The following PGS1 variants were observed in gnomAD, a reference collection of about 807,000 sequenced individuals.
PGS1 encodes phosphatidylglycerophosphate synthase 1, also known as CDP-diacylglycerol--glycerol-3-phosphate 3-phosphatidyltransferase, mitochondrial.
A neutral mutation model predicts 58.3 loss-of-function variants in PGS1; 44 were observed. The observed-to-expected ratio is 0.75, with a 90% CI of 0.59 to 0.97. The LOEUF is 0.97. PGS1 is among the 50% of genes least tolerant of loss of function. The pLI is 0.00. For missense variants in PGS1, 684 were observed against 731.1 expected (o/e 0.94, Z 0.74); for synonymous variants, 330 against 311.0 (o/e 1.06, Z -0.64).
At chr17:78,406,023 A>G (rs1260577641) in intron 7 of PGS1, among the ~76,000 whole-genome samples, 1 of 151,996 alleles carries the variant, frequency 6.6e-6, no homozygotes, top group Admixed American at 6.6e-5. Flanking sequence ...CGTTGTAAGA[A>G]ATACTGAAGC....
chr17:78,394,790 G>A (rs1056196470), intron 2 of PGS1, among the ~76,000 whole-genome samples: 1 of 152,104 alleles, frequency 6.6e-6, no homozygotes, highest in African/African-American at 2.4e-5. Context: ...CCCGACTTCA[G>A]GTGATCCGCC....
rs759340117 is a variant in PGS1 at position 78,403,714 on chromosome 17, C to T, written c.1027C>T (p.Arg343Cys). Residue 343 changes from arginine to cysteine, a missense_variant, in exon 7 of 10, where the codon CGC becomes TGC. By Grantham distance (180) the Arg-to-Cys change is radical. Transcript: ENST00000262764. ...GGAAGATGCAGCAGCTGCTGGGGAT[C>T]GCAGACCAGCCCCTGACACCTGGAT... ...TQEDAAAAGD[R>C]RPAPDTWIYP... 35 of 1,614,116 alleles carry T rather than the reference C, an allele frequency of 2.2e-5. No homozygotes were observed. Among genetic ancestry groups the T allele is most frequent in the Admixed American group, 1.8e-4 (11 of 60,004 alleles).
chr17:78,391,195 G>T (rs1369217845), intron 1 of PGS1, among the ~76,000 whole-genome samples: 1 of 152,054 alleles, frequency 6.6e-6, no homozygotes, highest in African/African-American at 2.4e-5. Context: ...TAATCTGCAC[G>T]CCTCGGCCTC....
At chr17:78,406,887 C>T (rs1395587309) in intron 7 of PGS1, among the ~76,000 whole-genome samples, 2 of 152,170 alleles carry the variant, frequency 1.3e-5, no homozygotes, top group Admixed American at 1.3e-4. Flanking sequence ...GTGGGAGGCT[C>T]CTGGCCTGTG....
intron 7 of PGS1, 88 bp downstream of exon 7, chr17:78,404,177 G>A (rs3744217): frequency 0.61 from 839,633 of 1,386,760 alleles, 255,160 homozygotes; most frequent in Middle Eastern, 0.66. Flanking sequence ...CTACCTGTTA[G>A]AGTGCTGTAC....
intron 8 of PGS1, among the ~76,000 whole-genome samples, chr17:78,417,964 C>G (rs1409575598): frequency 1.5e-5 from 2 of 134,956 alleles, no homozygotes; most frequent in Non-Finnish European, 3.1e-5. Flanking sequence ...GAGTCTTGTT[C>G]TGTCGCCCAG....
chr17:78,416,677 G>C (rs2085216452), intron 8 of PGS1, among the ~76,000 whole-genome samples: 1 of 152,198 alleles, frequency 6.6e-6, no homozygotes, highest in Non-Finnish European at 1.5e-5. Context: ...AGGGGCTTTT[G>C]CCTGTGGGAG....
chr17:78,401,837 T>G (rs2083690248), intron 6 of PGS1, among the ~76,000 whole-genome samples: 1 of 152,158 alleles, frequency 6.6e-6, no homozygotes, highest in Non-Finnish European at 1.5e-5. Context: ...AGCTTTGCCT[T>G]TTGGCCCAGA....
rs374120789 is a variant in PGS1 at position 78,392,561 on chromosome 17, G to A, written c.229G>A (p.Val77Met). 1.1e-5 allele frequency: 18 copies of A among 1,614,104 alleles called. No homozygotes were observed. Among genetic ancestry groups the A allele is most frequent in the South Asian group, 3.3e-5 (3 of 91,082 alleles). ...SPPCCLCPEG[V>M]HRFQWIRNLV... The stretch of plus-strand genomic sequence containing the variant: ...ACCTTGCTGCCTGTGTCCAGAAGGC[G>A]TGCACCGGTTCCAGTGGATCAGAAA... The change falls in exon 2 of 10, where the codon GTG becomes ATG. Residue 77 changes from valine (V) to methionine (M), a missense_variant. Coordinates refer to ENST00000262764, the MANE Select transcript of PGS1 (RefSeq NM_024419.5).
At chr17:78,386,957 A>G (rs917738006) in intron 1 of PGS1, among the ~76,000 whole-genome samples, 3 of 145,948 alleles carry the variant, frequency 2.1e-5, no homozygotes, top group Admixed American at 6.7e-5. Flanking sequence ...GATGATGGTG[A>G]TGATGATGAT....
At chr17:78,389,047 T>C (rs866921077) in intron 1 of PGS1, among the ~76,000 whole-genome samples, 38 of 135,950 alleles carry the variant, frequency 2.8e-4, no homozygotes, top group African/African-American at 9.8e-4. Flanking sequence ...GTGTTTCCTC[T>C]TCTTCCTTTT....
At chr17:78,390,744 C>T (rs1027167775) in intron 1 of PGS1, among the ~76,000 whole-genome samples, 8 of 152,172 alleles carry the variant, frequency 5.3e-5, no homozygotes, top group East Asian at 1.9e-4. Flanking sequence ...CCCCATCTCC[C>T]GCAGGTTTTT....
At chr17:78,405,199 T>C (rs149584317) in intron 7 of PGS1, among the ~76,000 whole-genome samples, 76 of 152,168 alleles carry the variant, frequency 5.0e-4, no homozygotes, top group African/African-American at 1.7e-3. Context: ...GGTTCCACCA[T>C]GTTGGCCAGG....
At chr17:78,387,629 T>A (rs1188513216) in intron 1 of PGS1, among the ~76,000 whole-genome samples, 79 of 148,216 alleles carry the variant, frequency 5.3e-4, no homozygotes, top group Non-Finnish European at 8.9e-4. Context: ...AGGTGGAGTT[T>A]CGCTCTGTCG....
chr17:78,415,670 T>A (rs979211536), intron 8 of PGS1, among the ~76,000 whole-genome samples: 6 of 152,272 alleles, frequency 3.9e-5, no homozygotes, highest in African/African-American at 1.4e-4. Flanking sequence ...TCGGCCCTCG[T>A]TTGATAATAG....
At chr17:78,383,785 C>T (rs1290681708) in intron 1 of PGS1, among the ~76,000 whole-genome samples, 1 of 152,180 alleles carries the variant, frequency 6.6e-6, no homozygotes, top group Non-Finnish European at 1.5e-5. Flanking sequence ...AAAAGATTTA[C>T]AACGGACTGA....
intron 2 of PGS1, among the ~76,000 whole-genome samples, chr17:78,395,074 T>G (rs369504876): frequency 1.1e-4 from 16 of 152,222 alleles, no homozygotes; most frequent in African/African-American, 3.4e-4. Context: ...TGTGGGCAGA[T>G]TCTTCTGGTT....
intron 1 of PGS1, among the ~76,000 whole-genome samples, chr17:78,386,045 A>G (rs1234475967): frequency 2.0e-5 from 3 of 152,126 alleles, no homozygotes; most frequent in Admixed American, 6.5e-5. Flanking sequence ...AGGGGTCCTC[A>G]GCACTTAGGC....
intron 1 of PGS1, among the ~76,000 whole-genome samples, chr17:78,391,332 G>A (rs1000276694): frequency 2.6e-5 from 4 of 152,042 alleles, no homozygotes; most frequent in Admixed American, 2.6e-4. Context: ...GATTTTGATT[G>A]ATTGAGACAG....
Sources: allele counts gnomAD v4.1 joint callset (sites outside exome capture counted in the v4.1 genomes callset), GRCh38; gene constraint gnomAD v4.1.1; transcripts MANE v1.5; gene names NCBI Gene and HGNC (gene_info 2026-07-23, HGNC 2026-07-21).